The following COL6A5 variants were observed in gnomAD, a reference collection of about 807,000 sequenced individuals.
The protein encoded by COL6A5 is collagen alpha-5(VI) chain.
Under a neutral mutation model 65.6 loss-of-function variants are expected in COL6A5, and 48 were observed. That is an observed-to-expected ratio of 0.73 (90% CI 0.58 to 0.93). The LOEUF (loss-of-function observed/expected upper bound fraction) is 0.93. COL6A5 is among the 40% of genes least tolerant of loss of function. The pLI is 0.00. For missense variants in COL6A5, 914 were observed against 928.3 expected, an observed-to-expected ratio of 0.98 and a Z score of 0.20; for synonymous variants, 291 against 322.8, an observed-to-expected ratio of 0.90 and a Z score of 1.05.
At chr3:130,352,114 A>T (rs1484212926) in intron 1 of COL6A5, among the ~76,000 whole-genome samples, 1 of 152,186 alleles carries the variant, frequency 6.6e-6, no homozygotes, top group African/African-American at 2.4e-5. Flanking sequence ...CAATGAGAAC[A>T]CTTGGATACA....
intron 4 of COL6A5, 85 bp downstream of exon 36, chr3:130,443,651 A>G (rs1414304473): frequency 6.4e-6 from 5 of 782,738 alleles, no homozygotes; most frequent in Non-Finnish European, 1.1e-5. Flanking sequence ...TATTAGGCTG[A>G]TGATGCTAAC....
chr3:130,445,612 A>G (rs1278720997), intron 4 of COL6A5, among the ~76,000 whole-genome samples: 1 of 152,118 alleles, frequency 6.6e-6, no homozygotes, highest in East Asian at 1.9e-4. Flanking sequence ...GGCAATTGCC[A>G]ATTTCCGAAG....
At chr3:130,358,005 T>C (rs1197300250) in intron 1 of COL6A5, among the ~76,000 whole-genome samples, 5 of 151,682 alleles carry the variant, frequency 3.3e-5, no homozygotes, top group Non-Finnish European at 7.4e-5. Flanking sequence ...CTGGCTAACA[T>C]GGTGAAACCC....
intron 17 of COL6A5, 66 bp downstream of exon 17, chr3:130,406,387 G>C (rs1936995141): frequency 1.6e-6 from 2 of 1,250,562 alleles, no homozygotes. Flanking sequence ...CTTAACTGCT[G>C]TGTGTCAGTG....
At chr3:130,382,842 G>T (rs540945804) in intron 4 of COL6A5, among the ~76,000 whole-genome samples, 10 of 152,176 alleles carry the variant, frequency 6.6e-5, no homozygotes, top group African/African-American at 2.4e-4. Context: ...TATAGAAAAA[G>T]AATGACAATT....
chr3:130,478,124 A>G (rs1050507457), intron 7 of COL6A5, among the ~76,000 whole-genome samples: 1 of 152,066 alleles, frequency 6.6e-6, no homozygotes, highest in African/African-American at 2.4e-5. Flanking sequence ...CAAAATGGGG[A>G]TAATAATATA....
exon 3 of COL6A5, chr3:130,440,580 T>G: frequency 3.7e-6 from 6 of 1,613,546 alleles, no homozygotes; most frequent in Non-Finnish European, 5.1e-6. Flanking sequence ...AAACACAAGG[T>G]CATCTTTGTG....
At chr3:130,420,784 C>A (rs115220967) in intron 25 of COL6A5, among the ~76,000 whole-genome samples, 1 of 151,866 alleles carries the variant, frequency 6.6e-6, no homozygotes, top group Non-Finnish European at 1.5e-5. Flanking sequence ...CCAGGGAGGA[C>A]GAACATTTTT....
At chr3:130,391,547 C>A in exon 7 of COL6A5, 1 of 1,551,644 alleles carries the variant, frequency 6.4e-7, no homozygotes, top group Admixed American at 2.0e-5. Context: ...TGGGGAATCC[C>A]ATGACCATGA....
chr3:130,356,181 A>T (rs578005581), intron 1 of COL6A5, among the ~76,000 whole-genome samples: 1 of 152,324 alleles, frequency 6.6e-6, no homozygotes, highest in South Asian at 2.1e-4. Flanking sequence ...CAAAAGTCAG[A>T]TAATCATGGT....
chr3:130,454,909 G>T (rs1014035102), intron 4 of COL6A5, among the ~76,000 whole-genome samples: 1 of 152,168 alleles, frequency 6.6e-6, no homozygotes, highest in Non-Finnish European at 1.5e-5. Context: ...GGGAGGCTGA[G>T]GAGGGAGGAT....
intron 1 of COL6A5, among the ~76,000 whole-genome samples, chr3:130,356,512 TTAAAAG>T (rs1934931976): frequency 6.6e-6 from 1 of 151,384 alleles, no homozygotes; most frequent in Admixed American, 6.6e-5. Context: ...GGTTTTGCCA[TTAAAAG>T]TAAAAGTAAT....
At chr3:130,471,042 C>A in intron 7 of COL6A5, 75 bp downstream of exon 39, 1 of 1,046,770 alleles carries the variant, frequency 9.6e-7, no homozygotes, top group Non-Finnish European at 1.5e-6. Context: ...AAATGAATAG[C>A]ATTTTAGTTT....
intron 5 of COL6A5, among the ~76,000 whole-genome samples, chr3:130,457,238 G>T (rs1709593906): frequency 6.6e-6 from 1 of 152,050 alleles, no homozygotes; most frequent in Non-Finnish European, 1.5e-5. Context: ...AGAAGAAGAG[G>T]TGTTTTGGTA....
intron 17 of COL6A5, 57 bp downstream of exon 17, chr3:130,406,378 T>G (rs1329107814): frequency 2.2e-6 from 3 of 1,336,712 alleles, no homozygotes; most frequent in East Asian, 5.0e-5. Flanking sequence ...AGAGACAGTC[T>G]TAACTGCTGT....
chr3:130,395,344 T>C (rs1045717649), exon 8 of COL6A5: 1 of 1,550,250 alleles, frequency 6.5e-7, no homozygotes, highest in Non-Finnish European at 8.7e-7. Context: ...ATAAGGAACA[T>C]CTCCTGCCAA....
intron 13 of COL6A5, among the ~76,000 whole-genome samples, chr3:130,404,615 G>T (rs543681005): frequency 3.9e-5 from 6 of 152,320 alleles, no homozygotes; most frequent in African/African-American, 1.4e-4. Context: ...GTGGGGAATA[G>T]TGTCACCCAC....
At chr3:130,465,948 A>T (rs6791107) in intron 5 of COL6A5, among the ~76,000 whole-genome samples, 85,398 of 151,740 alleles carry the variant, frequency 0.56, 26,623 homozygotes, top group Non-Finnish European at 0.72. Flanking sequence ...ATTTGGCAAA[A>T]CAAAAAGATT....
At chr3:130,462,506 T>G (rs1691335872) in intron 5 of COL6A5, among the ~76,000 whole-genome samples, 1 of 152,092 alleles carries the variant, frequency 6.6e-6, no homozygotes, top group Admixed American at 6.6e-5. Flanking sequence ...AAAATTATAT[T>G]TGTGGAGTAA....
Sources: allele counts gnomAD v4.1 joint callset (sites outside exome capture counted in the v4.1 genomes callset), GRCh38; gene constraint gnomAD v4.1.1; transcripts MANE v1.5; gene names NCBI Gene and HGNC (gene_info 2026-07-23, HGNC 2026-07-21).